DNAH6: variants seen among roughly 807,000 people sequenced by gnomAD.
DNAH6 encodes dynein axonemal heavy chain 6, also known as axonemal beta dynein heavy chain 6.
DNAH6 carries 340 observed loss-of-function variants against 491.4 expected under a neutral mutation model. The ratio of observed to expected loss-of-function variants is 0.69; its 90% CI spans 0.63 to 0.76. The LOEUF is 0.76. Among genes scored for constraint, DNAH6 ranks in the 30% least tolerant of loss-of-function variants. DNAH6 has a pLI of 0.00. For missense variants in DNAH6, 4,443 were observed against 4,972.2 expected (o/e 0.89, Z 3.20); for synonymous variants, 1,603 against 1,686.1 (o/e 0.95, Z 1.21).
At chr2:84,719,881 C>G (rs1473303127) in intron 59 of DNAH6, among the ~76,000 whole-genome samples, 3 of 151,716 alleles carry the variant, frequency 2.0e-5, no homozygotes, top group Non-Finnish European at 4.4e-5. Flanking sequence ...CACACACACA[C>G]ACACACACAC....
the DNAH6 span, among the ~76,000 whole-genome samples, chr2:84,475,627 C>T: frequency 6.6e-6 from 1 of 152,176 alleles, no homozygotes; most frequent in Non-Finnish European, 1.5e-5. Context: ...TAAGTTACCT[C>T]CAATGCCATC....
At chr2:84,592,772 G>A (rs1420546474) in intron 16 of DNAH6, among the ~76,000 whole-genome samples, 1 of 152,138 alleles carries the variant, frequency 6.6e-6, no homozygotes, top group Admixed American at 6.5e-5. Context: ...AGAAAATCCT[G>A]CTGTGCCACA....
At chr2:84,699,758 C>G (rs1230025587) in intron 48 of DNAH6, 24 bp downstream of exon 48, 1 of 1,545,932 alleles carries the variant, frequency 6.5e-7, no homozygotes, top group South Asian at 1.2e-5. Flanking sequence ...CAGGATATCT[C>G]TTTGAGAAGT....
At chr2:84,551,719 C>T (rs1353196505) in intron 9 of DNAH6, among the ~76,000 whole-genome samples, 1 of 152,146 alleles carries the variant, frequency 6.6e-6, no homozygotes, top group Non-Finnish European at 1.5e-5. Flanking sequence ...CGTATACTCT[C>T]CAGAAAGCTT....
chr2:84,770,250 A>G (rs1021018268), intron 64 of DNAH6, among the ~76,000 whole-genome samples: 2 of 152,206 alleles, frequency 1.3e-5, no homozygotes. Context: ...GGGACCGTCT[A>G]ATTTCCAGAG....
intron 70 of DNAH6, among the ~76,000 whole-genome samples, chr2:84,800,757 T>G (rs1221466124): frequency 6.6e-6 from 1 of 152,064 alleles, no homozygotes; most frequent in African/African-American, 2.4e-5. Flanking sequence ...AATATGAGAT[T>G]ATGTAAAGTG....
the DNAH6 span, among the ~76,000 whole-genome samples, chr2:84,500,436 T>C: frequency 4.6e-5 from 7 of 152,228 alleles, no homozygotes; most frequent in Admixed American, 4.6e-4. Context: ...ACTATAGCTC[T>C]GTAGTATAAA....
intron 60 of DNAH6, among the ~76,000 whole-genome samples, chr2:84,725,628 A>G (rs1284184409): frequency 8.5e-5 from 13 of 152,240 alleles, no homozygotes; most frequent in Non-Finnish European, 1.5e-5. Context: ...AATAAAAGTG[A>G]AAAGGCCCTA....
chr2:84,660,920 G>A (rs1220726481), intron 37 of DNAH6, among the ~76,000 whole-genome samples: 2 of 151,886 alleles, frequency 1.3e-5, no homozygotes, highest in Non-Finnish European at 2.9e-5. Flanking sequence ...ATAATTAAAT[G>A]CAATGTATGA....
intron 63 of DNAH6, among the ~76,000 whole-genome samples, chr2:84,745,690 A>G (rs542720211): frequency 4.6e-5 from 7 of 151,070 alleles, no homozygotes; most frequent in Non-Finnish European, 8.8e-5. Context: ...AAAAAGAAAC[A>G]TGGTTCTGTG....
upstream of DNAH6, among the ~76,000 whole-genome samples, chr2:84,512,968 A>G (rs1675393202): frequency 6.6e-6 from 1 of 152,118 alleles, no homozygotes; most frequent in African/African-American, 2.4e-5. Flanking sequence ...ATTTCCATTT[A>G]ATGTAATTAC....
intron 10 of DNAH6, among the ~76,000 whole-genome samples, chr2:84,553,629 T>TTTA (rs386390633): frequency 2.0e-4 from 1 of 5,122 alleles, no homozygotes; most frequent in Non-Finnish European, 4.4e-4. Flanking sequence ...GGACTGGCTA[T>TTTA]TTTTTTTTTT....
At chr2:84,567,418 C>T (rs969879885) in intron 11 of DNAH6, among the ~76,000 whole-genome samples, 17 of 152,016 alleles carry the variant, frequency 1.1e-4, no homozygotes, top group East Asian at 7.7e-4. Flanking sequence ...ACAAGGCTAC[C>T]GTAACCAAAA....
the DNAH6 span, among the ~76,000 whole-genome samples, chr2:84,501,350 A>G: frequency 2.6e-5 from 4 of 152,110 alleles, no homozygotes; most frequent in Admixed American, 2.0e-4. Flanking sequence ...ATGTTGGGTC[A>G]TCCGTGCATC....
At chr2:84,668,242 TA>T (rs967636644) in intron 37 of DNAH6, among the ~76,000 whole-genome samples, 6 of 151,504 alleles carry the variant, frequency 4.0e-5, no homozygotes, top group East Asian at 3.9e-4. Context: ...AGTATAATAA[TA>T]AAAAAAAACT....
intron 57 of DNAH6, among the ~76,000 whole-genome samples, chr2:84,714,962 C>T (rs1012733748): frequency 6.6e-6 from 1 of 151,612 alleles, no homozygotes; most frequent in African/African-American, 2.4e-5. Context: ...CTGGTTTTTG[C>T]TATTGACTTA....
chr2:84,781,221 A>G (rs181456364), intron 64 of DNAH6, among the ~76,000 whole-genome samples: 9 of 152,318 alleles, frequency 5.9e-5, no homozygotes, highest in Admixed American at 5.9e-4. Flanking sequence ...AAATGTCTCT[A>G]GTGTATCAGC....
intron 65 of DNAH6, among the ~76,000 whole-genome samples, chr2:84,782,183 T>C (rs372052449): frequency 6.6e-6 from 1 of 152,206 alleles, no homozygotes; most frequent in South Asian, 2.1e-4. Flanking sequence ...CTTTTTTGCC[T>C]ACTCAAGAAA....
At chr2:84,673,422 G>GT (rs1253730246) in intron 40 of DNAH6, among the ~76,000 whole-genome samples, 2 of 152,174 alleles carry the variant, frequency 1.3e-5, no homozygotes, top group Non-Finnish European at 2.9e-5. Flanking sequence ...AGAGATGAGG[G>GT]TCGAGCCTCC....
Sources: gnomAD v4.1 joint callset for allele counts (sites outside exome capture counted in the v4.1 genomes callset) on GRCh38, gnomAD v4.1.1 for gene constraint, MANE v1.5 for transcripts, NCBI Gene and HGNC (gene_info 2026-07-23, HGNC 2026-07-21) for gene names.